Variants in HTR1F observed in about 807,000 individuals in gnomAD.
HTR1F encodes the protein 5-hydroxytryptamine (serotonin) receptor 1F, G protein-coupled.
Under a neutral mutation model 24.0 loss-of-function variants are expected in HTR1F, and 17 were observed. That is an observed-to-expected ratio of 0.71 (90% CI 0.48 to 1.06). The LOEUF is 1.06. HTR1F is among the 50% of genes least tolerant of loss of function. The pLI is 0.00. For missense variants in HTR1F, 391 were observed against 427.8 expected (o/e 0.91, Z 0.76); for synonymous variants, 186 against 156.8 (o/e 1.19, Z -1.39).
At chr3:87,967,637 A>T (rs1705196424) in intron 2 of HTR1F, among the ~76,000 whole-genome samples, 1 of 151,958 alleles carries the variant, frequency 6.6e-6, no homozygotes, top group Non-Finnish European at 1.5e-5. Flanking sequence ...TAGTGAAAAA[A>T]TGTCACGAGA....
At chr3:87,849,432 T>G in intron 2 of HTR1F, among the ~76,000 whole-genome samples, 1 of 151,804 alleles carries the variant, frequency 6.6e-6, no homozygotes, top group South Asian at 2.1e-4. Flanking sequence ...TGGATCCCTT[T>G]CTTACACCTT....
At chr3:87,892,515 T>C (rs1706106915) in intron 2 of HTR1F, among the ~76,000 whole-genome samples, 1 of 152,198 alleles carries the variant, frequency 6.6e-6, no homozygotes, top group African/African-American at 2.4e-5. Flanking sequence ...GATATTTTTA[T>C]ATAACTTCTC....
intron 2 of HTR1F, among the ~76,000 whole-genome samples, chr3:87,896,324 T>C (rs1322254815): frequency 6.6e-6 from 1 of 152,190 alleles, no homozygotes; most frequent in Non-Finnish European, 1.5e-5. Flanking sequence ...AAAAGGGACA[T>C]ACAGTCCATC....
At chr3:87,906,513 A>C (rs1447366295) in intron 2 of HTR1F, among the ~76,000 whole-genome samples, 1 of 152,050 alleles carries the variant, frequency 6.6e-6, no homozygotes, top group African/African-American at 2.4e-5. Context: ...AACTGTAGTT[A>C]ATGAAAATTT....
At chr3:87,920,619 T>A (rs913181664) in intron 2 of HTR1F, among the ~76,000 whole-genome samples, 3 of 151,876 alleles carry the variant, frequency 2.0e-5, no homozygotes, top group Middle Eastern at 3.2e-3. Context: ...TGAAAGATTT[T>A]AAAAAAAGAA....
At chr3:87,990,513 A>G (rs1338325653) in intron 2 of HTR1F, among the ~76,000 whole-genome samples, 195 bp from the exon 3 acceptor site, 1 of 152,210 alleles carries the variant, frequency 6.6e-6, no homozygotes, top group African/African-American at 2.4e-5. Context: ...TTTGGAAGTT[A>G]CTGGCTTTTT....
chr3:87,900,847 A>AT (rs1487655567), intron 2 of HTR1F, among the ~76,000 whole-genome samples: 5 of 152,196 alleles, frequency 3.3e-5, no homozygotes, highest in African/African-American at 1.2e-4. Context: ...GTTTTTGGAC[A>AT]TGTTACATTT....
At chr3:87,818,344 T>A (rs1175846647) in intron 1 of HTR1F, among the ~76,000 whole-genome samples, 1 of 152,194 alleles carries the variant, frequency 6.6e-6, no homozygotes, top group Non-Finnish European at 1.5e-5. Context: ...TCAGGCCCAC[T>A]GTTTGGCACA....
At chr3:87,977,397 T>C (rs1705418686) in intron 2 of HTR1F, among the ~76,000 whole-genome samples, 1 of 131,732 alleles carries the variant, frequency 7.6e-6, no homozygotes, top group South Asian at 2.8e-4. Flanking sequence ...CTGAGACTTT[T>C]TTTTTTTTTT....
chr3:87,832,366 C>T (rs1169882051), intron 2 of HTR1F, among the ~76,000 whole-genome samples: 2 of 135,710 alleles, frequency 1.5e-5, no homozygotes, highest in Admixed American at 8.4e-5. Context: ...CTCGCTCTGT[C>T]GCCCAGGCTG....
chr3:87,835,328 A>G (rs1228559413), intron 2 of HTR1F, among the ~76,000 whole-genome samples: 1 of 145,208 alleles, frequency 6.9e-6, no homozygotes, highest in East Asian at 2.2e-4. Context: ...CTAAATATGG[A>G]GATGGCATAT....
chr3:87,949,975 G>A (rs1249202083), intron 2 of HTR1F, among the ~76,000 whole-genome samples: 1 of 152,202 alleles, frequency 6.6e-6, no homozygotes, highest in Non-Finnish European at 1.5e-5. Context: ...TATCTGCTCA[G>A]CTTCTGATGA....
At chr3:87,925,730 T>C (rs780741740) in intron 2 of HTR1F, among the ~76,000 whole-genome samples, 7 of 152,138 alleles carry the variant, frequency 4.6e-5, no homozygotes, top group African/African-American at 1.7e-4. Context: ...AGGGCCTGCA[T>C]GGAGTGTGAT....
chr3:87,832,927 G>A (rs1310363387), intron 2 of HTR1F, among the ~76,000 whole-genome samples: 2 of 152,146 alleles, frequency 1.3e-5, no homozygotes, highest in African/African-American at 4.8e-5. Context: ...CTGTTGTTTT[G>A]TTTGCTTTTG....
At chr3:87,964,120 G>A (rs1387964727) in intron 2 of HTR1F, among the ~76,000 whole-genome samples, 6 of 151,880 alleles carry the variant, frequency 4.0e-5, no homozygotes, top group Admixed American at 3.9e-4. Flanking sequence ...TTGGCTGCCG[G>A]GTGCTTTAAC....
At chr3:87,832,625 G>A (rs1223665076) in intron 2 of HTR1F, among the ~76,000 whole-genome samples, 1 of 152,292 alleles carries the variant, frequency 6.6e-6, no homozygotes, top group East Asian at 1.9e-4. Context: ...ACCGCGCCCA[G>A]CCAGAATACC....
At chr3:87,815,670 A>G (rs1363754894) in intron 1 of HTR1F, among the ~76,000 whole-genome samples, 1 of 152,126 alleles carries the variant, frequency 6.6e-6, no homozygotes, top group African/African-American at 2.4e-5. Flanking sequence ...CATGATGGAA[A>G]GTGTAAGTTC....
intron 2 of HTR1F, among the ~76,000 whole-genome samples, chr3:87,926,307 A>G (rs1316222133): frequency 1.3e-5 from 2 of 152,208 alleles, no homozygotes; most frequent in African/African-American, 2.4e-5. Flanking sequence ...TTTAGATCAG[A>G]CAGTAGGATA....
intron 2 of HTR1F, among the ~76,000 whole-genome samples, chr3:87,921,621 ATAAG>A (rs1337016656): frequency 3.3e-5 from 5 of 151,878 alleles, no homozygotes; most frequent in African/African-American, 1.2e-4. Flanking sequence ...AAACTATATA[ATAAG>A]TAATTGTTAA....
Sources: allele counts gnomAD v4.1 joint callset (sites outside exome capture counted in the v4.1 genomes callset), GRCh38; gene constraint gnomAD v4.1.1; transcripts MANE v1.5; gene names NCBI Gene and HGNC (gene_info 2026-07-23, HGNC 2026-07-21).